The following NHS variants were observed in gnomAD, a reference collection of about 807,000 sequenced individuals.
NHS encodes the protein actin remodeling regulator NHS.
NHS carries 5 observed loss-of-function variants against 72.5 expected under a neutral mutation model. The ratio of observed to expected loss-of-function variants is 0.07; its 90% CI spans 0.04 to 0.14. NHS has a LOEUF of 0.14. Among genes scored for constraint, NHS ranks in the 10% least tolerant of loss-of-function variants. The probability of loss-of-function intolerance (pLI) is 1.00; values close to 1 mark genes in which losing one functional copy is unlikely to be tolerated. For synonymous variants in NHS, 464 were observed against 547.7 expected, an observed-to-expected ratio of 0.85 and a Z score of 2.13; for missense variants, 1,072 against 1,355.7, an observed-to-expected ratio of 0.79 and a Z score of 3.29.
At chrX:17,683,931 T>C (rs1284886275) in intron 1 of NHS, among the ~76,000 whole-genome samples, 1 of 111,890 alleles carries the variant, frequency 8.9e-6, no homozygotes, top group African/African-American at 3.3e-5. Context: ...AAATCTCATC[T>C]TGAATTGCAC....
chrX:17,718,949 A>G (rs1402464186), intron 3 of NHS, among the ~76,000 whole-genome samples: 1 of 93,209 alleles, frequency 1.1e-5, no homozygotes, highest in Non-Finnish European at 2.1e-5. Context: ...AGGAAGGAAG[A>G]AGGAGGGAAG....
At chrX:17,448,473 C>A (rs1216558491) in intron 1 of NHS, among the ~76,000 whole-genome samples, 1 of 111,963 alleles carries the variant, frequency 8.9e-6, no homozygotes, top group Non-Finnish European at 1.9e-5. Flanking sequence ...TGAATGCCCA[C>A]TGTGGCTGGG....
intron 1 of NHS, among the ~76,000 whole-genome samples, chrX:17,588,607 C>A (rs1391131538): frequency 9.2e-6 from 1 of 108,882 alleles, no homozygotes; most frequent in Non-Finnish European, 1.9e-5. Context: ...TTTTTTTGCC[C>A]TTTTTCCCCA....
chrX:17,429,552 A>G (rs894602499), intron 1 of NHS, among the ~76,000 whole-genome samples: 3 of 111,365 alleles, frequency 2.7e-5, no homozygotes, highest in Non-Finnish European at 5.6e-5. Context: ...GTGTCCTACC[A>G]ATCACAAGAC....
At chrX:17,440,128 C>A (rs1231638577) in intron 1 of NHS, among the ~76,000 whole-genome samples, 1 of 109,123 alleles carries the variant, frequency 9.2e-6, no homozygotes, top group Non-Finnish European at 1.9e-5. Flanking sequence ...GGCTTGGTGG[C>A]CCATGCCTGT....
At chrX:17,506,557 A>G (rs868795530) in intron 1 of NHS, among the ~76,000 whole-genome samples, 1 of 103,645 alleles carries the variant, frequency 9.6e-6, no homozygotes, top group Non-Finnish European at 1.9e-5. Context: ...AAATAAATAA[A>G]TAAATAAATA....
chrX:17,496,730 T>G (rs1033952919), intron 1 of NHS, among the ~76,000 whole-genome samples: 1 of 111,848 alleles, frequency 8.9e-6, no homozygotes, highest in Non-Finnish European at 1.9e-5. Flanking sequence ...AATTTCAACC[T>G]TTGTTATTTT....
Position 17,376,149 on chromosome X carries a change from C to T in NHS, c.392C>T (p.Ala131Val), listed in dbSNP as rs1321662770. The T allele has an allele frequency of 3.4e-6, 4 of 1,186,224 alleles. No individual in the cohort carries two copies. The highest frequency in any genetic ancestry group is 3.5e-5 in the African/African-American group (2 of 57,135). The change falls in exon 1 of 9, where the codon GCT (alanine) becomes GTT (valine). Residue 131 changes from alanine (A) to valine (V), a missense_variant. Physicochemically the swap from Ala to Val is moderately conservative, Grantham distance 64. Transcript: ENST00000676302. The stretch of plus-strand genomic sequence containing the variant: ...GACCTATGCGCGGTCAGCAACGCCG[C>T]TCTGGCCCGTGTCCTCCGGCAGCTC... Reference protein sequence around the residue: ...MLDLCAVSNAALARVLRQLSD... With the variant: ...MLDLCAVSNAVLARVLRQLSD...
intron 1 of NHS, among the ~76,000 whole-genome samples, chrX:17,616,918 G>A (rs985661236): frequency 5.4e-5 from 6 of 111,976 alleles, no homozygotes; most frequent in Non-Finnish European, 1.1e-4. Flanking sequence ...TACAGTCTTA[G>A]GGCACAAAGA....
intron 1 of NHS, among the ~76,000 whole-genome samples, chrX:17,549,147 A>G (rs73636653): frequency 1.2e-4 from 13 of 105,365 alleles, no homozygotes; most frequent in South Asian, 9.1e-4. Flanking sequence ...AAAAAAAAAA[A>G]AAAGAAAGAA....
intron 1 of NHS, among the ~76,000 whole-genome samples, chrX:17,452,321 C>T (rs946319139): frequency 1.8e-5 from 2 of 111,099 alleles, no homozygotes; most frequent in Admixed American, 9.5e-5. Context: ...TTTTCTCTAA[C>T]GCCCTGAATT....
Position 17,511,078 on chromosome X carries a change from A to G in NHS, c.565+134756A>G, listed in dbSNP as rs762897118. Among the ~76,000 whole-genome samples, 4 of 111,830 alleles carry G rather than the reference A, an allele frequency of 3.6e-5. No homozygotes were observed. The East Asian group carries it at 1.1e-3, about 32-fold the overall frequency. Reference sequence around the variant, plus strand: ...GCTCTAGGAGATTAAATGTACAGCAATTTCCTGAAGCTGAGTTATCTCTAG... The same window carrying G: ...GCTCTAGGAGATTAAATGTACAGCAGTTTCCTGAAGCTGAGTTATCTCTAG... On this transcript the variant is annotated intron_variant, in intron 1 of 8. Transcript: ENST00000676302.
rs948674175 is a variant in NHS, at chrX:17,727,519, T to C, written c.3413T>C (p.Leu1138Pro). Residue 1138 changes from leucine (L) to proline (P), a missense_variant, in exon 7 of 9, where the codon CTG becomes CCG. Coordinates refer to ENST00000676302, the MANE Select transcript of NHS (RefSeq NM_001291867.2). ...TCCCTTGCAATTACACCAACGATCCTGAAATCTGTTAACCTTAGGTCCATC... is the reference window on the plus strand; with the variant it reads ...TCCCTTGCAATTACACCAACGATCCCGAAATCTGTTAACCTTAGGTCCATC... ...PPSLAITPTI[L>P]KSVNLRSINK... is the part of the protein sequence containing the mutation. 1 of 1,210,148 alleles carries C rather than the reference T, an allele frequency of 8.3e-7. No homozygotes were observed. Among genetic ancestry groups the C allele is most frequent in the South Asian group, 1.8e-5 (1 of 56,792 alleles).
Position 17,589,801 on chromosome X carries a change from G to A in NHS, c.566-97941G>A, listed in dbSNP as rs765250008. 2.7e-5 allele frequency among the ~76,000 whole-genome samples: 3 copies of A among 111,896 alleles called. No homozygotes were observed. In the East Asian group the frequency reaches 8.4e-4, roughly 31 times the overall value. ...ATACTAGTTTACATTCCCACCAGCA[G>A]TGTAGAAGTGTTCTGTTTTCACTGC... On this transcript the variant is annotated intron_variant, in intron 1 of 8. Transcript: ENST00000676302.
At position 17,726,616 on chromosome X, in the gene NHS, G is replaced by T. The variant is rs2066446140; in HGVS notation, c.2510G>T (p.Arg837Ile). 8.3e-7 allele frequency: 1 copy of T among 1,210,269 alleles called. No individual in the cohort carries two copies. Among genetic ancestry groups the T allele is most frequent in the Non-Finnish European group, 1.1e-6 (1 of 895,367 alleles). Residue 837 changes from arginine to isoleucine, a missense_variant, in exon 7 of 9, where the codon AGA (arginine) becomes ATA (isoleucine). By Grantham distance (97) the Arg-to-Ile change is moderately conservative. Transcript: ENST00000676302. ...QDYLDHKRQG[R>I]PSISFRKPKA... ...TACTTAGACCACAAGAGGCAGGGAA[G>T]ACCAAGCATCTCTTTCAGGAAACCA...
At chrX:17,463,419 G>A (rs1240464364) in intron 1 of NHS, among the ~76,000 whole-genome samples, 1 of 109,915 alleles carries the variant, frequency 9.1e-6, no homozygotes, top group Admixed American at 9.7e-5. Context: ...AGGTTTATAT[G>A]CTTTGGTGTT....
At chrX:17,553,371 A>T (rs1454139229) in intron 1 of NHS, among the ~76,000 whole-genome samples, 1 of 112,738 alleles carries the variant, frequency 8.9e-6, no homozygotes, top group East Asian at 2.8e-4. Context: ...TCATTACTGG[A>T]CTTAATAATA....
chrX:17,530,813 C>T (rs773658931), intron 1 of NHS, among the ~76,000 whole-genome samples: 64 of 111,242 alleles, frequency 5.8e-4, no homozygotes, highest in Non-Finnish European at 2.8e-4. Flanking sequence ...AGGTCTCACT[C>T]TGCCGCCCAG....
At chrX:17,386,344 A>G (rs763873944) in intron 1 of NHS, among the ~76,000 whole-genome samples, 85 of 111,225 alleles carry the variant, frequency 7.6e-4, no homozygotes, top group African/African-American at 2.8e-3. Context: ...GCAGGGCACA[A>G]ATGGACCCAT....
Sources: allele counts gnomAD v4.1 joint callset (sites outside exome capture counted in the v4.1 genomes callset), GRCh38; gene constraint gnomAD v4.1.1; transcripts MANE v1.5; gene names NCBI Gene and HGNC (gene_info 2026-07-23, HGNC 2026-07-21).